ACVR1C: variants seen among roughly 807,000 people sequenced by gnomAD.
The protein encoded by ACVR1C is activin receptor type-1C.
ACVR1C carries 23 observed loss-of-function variants against 57.9 expected under a neutral mutation model. The observed-to-expected ratio is 0.40, with a 90% CI of 0.29 to 0.56. The LOEUF (loss-of-function observed/expected upper bound fraction) is 0.56. Among genes scored for constraint, ACVR1C ranks in the 20% least tolerant of loss-of-function variants. ACVR1C has a pLI of 0.50. For synonymous variants in ACVR1C, 214 were observed against 215.3 expected (o/e 0.99, Z 0.05); for missense variants, 480 against 607.9 (o/e 0.79, Z 2.21).
intron 3 of ACVR1C, among the ~76,000 whole-genome samples, chr2:157,552,951 T>C (rs1037798804): frequency 1.1e-4 from 16 of 152,154 alleles, no homozygotes; most frequent in Non-Finnish European, 1.6e-4. Flanking sequence ...TCAGAATTGT[T>C]ACACCACAAG....
intron 3 of ACVR1C, among the ~76,000 whole-genome samples, chr2:157,554,221 AAGAAAGAAAG>A (rs1219042043): frequency 8.9e-6 from 1 of 112,778 alleles, no homozygotes; most frequent in Non-Finnish European, 1.8e-5. Context: ...GAAAGAAAGA[AAGAAAGAAAG>A]AAAGAAAGAA....
At chr2:157,625,224 C>G (rs1682870348) in intron 1 of ACVR1C, among the ~76,000 whole-genome samples, 1 of 152,132 alleles carries the variant, frequency 6.6e-6, no homozygotes. Flanking sequence ...CTCCCCAGAC[C>G]AGCTTTTCCT....
chr2:157,603,109 A>G (rs958982009), intron 1 of ACVR1C, among the ~76,000 whole-genome samples: 1 of 152,186 alleles, frequency 6.6e-6, no homozygotes, highest in Non-Finnish European at 1.5e-5. Context: ...AAGTCCAAAA[A>G]TTGGAATTTG....
chr2:157,537,406 TTTTA>T (rs1687516309), intron 8 of ACVR1C, among the ~76,000 whole-genome samples: 1 of 151,790 alleles, frequency 6.6e-6, no homozygotes, highest in Non-Finnish European at 1.5e-5. Flanking sequence ...ATTAGAAAAT[TTTTA>T]ATTTAATTTC....
chr2:157,611,062 C>T (rs1045716174), intron 1 of ACVR1C, among the ~76,000 whole-genome samples: 18 of 152,258 alleles, frequency 1.2e-4, no homozygotes, highest in Admixed American at 7.8e-4. Flanking sequence ...TAGAGAATTA[C>T]GTTCCCTTGA....
At chr2:157,536,447 T>C (rs1053487777) in intron 8 of ACVR1C, among the ~76,000 whole-genome samples, 1 of 152,190 alleles carries the variant, frequency 6.6e-6, no homozygotes, top group Non-Finnish European at 1.5e-5. Flanking sequence ...ATTTATTGAT[T>C]GATTATTGCT....
chr2:157,611,831 G>A (rs752754449), intron 1 of ACVR1C, among the ~76,000 whole-genome samples: 1 of 152,148 alleles, frequency 6.6e-6, no homozygotes, highest in Non-Finnish European at 1.5e-5. Context: ...TGGGCTCTGT[G>A]GTTGTGGTGC....
chr2:157,607,118 G>A (rs2105144886), intron 1 of ACVR1C, among the ~76,000 whole-genome samples: 1 of 151,864 alleles, frequency 6.6e-6, no homozygotes, highest in South Asian at 2.1e-4. Flanking sequence ...AGATCAGTTG[G>A]CTGTAAATAC....
At chr2:157,570,348 T>A (rs1049090399) in intron 2 of ACVR1C, among the ~76,000 whole-genome samples, 1 of 28,400 alleles carries the variant, frequency 3.5e-5, no homozygotes, top group Non-Finnish European at 6.6e-5. Context: ...AACATAGTGT[T>A]GGAAGTTCTG....
rs751801104 is a variant in ACVR1C, at chr2:157,622,464, C to T, written c.73+6108G>A. Among the ~76,000 whole-genome samples, 41 of 152,292 alleles carry T rather than the reference C, an allele frequency of 2.7e-4. 1 individual carries two copies. Among genetic ancestry groups the T allele is most frequent in the Middle Eastern group, 6.8e-3 (2 of 294 alleles). ...TAAAGAACCCAGAAACAAATCCACACACCTACAGTGAACTCATCTTTAACA... is the reference window on the plus strand; with the variant it reads ...TAAAGAACCCAGAAACAAATCCACATACCTACAGTGAACTCATCTTTAACA... On this transcript the variant is annotated intron_variant, in intron 1 of 8. Transcript: ENST00000243349.
chr2:157,543,563 T>C (rs1330387349), intron 5 of ACVR1C, among the ~76,000 whole-genome samples: 1 of 152,240 alleles, frequency 6.6e-6, no homozygotes, highest in Non-Finnish European at 1.5e-5. Context: ...TAATTTCTAA[T>C]ATTGTAAATA....
intron 2 of ACVR1C, among the ~76,000 whole-genome samples, chr2:157,561,028 G>A (rs1284485530): frequency 2.0e-5 from 3 of 152,136 alleles, no homozygotes; most frequent in Admixed American, 2.0e-4. Flanking sequence ...TGAGAATAGA[G>A]GGAGTGAAGA....
chr2:157,593,588 C>G (rs1681996946), intron 1 of ACVR1C, among the ~76,000 whole-genome samples: 1 of 152,094 alleles, frequency 6.6e-6, no homozygotes, highest in South Asian at 2.1e-4. Flanking sequence ...ACAAAGGGAA[C>G]AATTCAAGCT....
At chr2:157,536,777 G>A (rs1251448817) in intron 8 of ACVR1C, among the ~76,000 whole-genome samples, 1 of 152,024 alleles carries the variant, frequency 6.6e-6, no homozygotes, top group East Asian at 1.9e-4. Context: ...TATAAAATGA[G>A]GCCAATATCT....
At chr2:157,559,259 G>A (rs755277055) in intron 2 of ACVR1C, among the ~76,000 whole-genome samples, 3 of 152,094 alleles carry the variant, frequency 2.0e-5, no homozygotes, top group East Asian at 1.9e-4. Context: ...CAAATTTACC[G>A]ATATGAGTCA....
At chr2:157,547,307 A>T (rs1687785498) in intron 4 of ACVR1C, among the ~76,000 whole-genome samples, 1 of 99,018 alleles carries the variant, frequency 1.0e-5, no homozygotes, top group Non-Finnish European at 2.3e-5. Context: ...TAGCAGCATG[A>T]TTTATAGTCC....
chr2:157,562,062 C>T (rs897386411), intron 2 of ACVR1C, among the ~76,000 whole-genome samples: 13 of 151,922 alleles, frequency 8.6e-5, no homozygotes, highest in East Asian at 1.9e-4. Flanking sequence ...TTTGGGAGGC[C>T]GAGGTGGGCG....
intron 1 of ACVR1C, among the ~76,000 whole-genome samples, chr2:157,597,765 GC>G (rs1411205487): frequency 6.6e-6 from 1 of 152,098 alleles, no homozygotes; most frequent in Non-Finnish European, 1.5e-5. Flanking sequence ...AAAATAAAAT[GC>G]CTTGTCTAGA....
At chr2:157,618,337 T>A (rs1414781014) in intron 1 of ACVR1C, among the ~76,000 whole-genome samples, 1 of 151,532 alleles carries the variant, frequency 6.6e-6, no homozygotes, top group East Asian at 1.9e-4. Context: ...ATAGTGAAAA[T>A]AATATATAAA....
Sources: gnomAD v4.1 joint callset for allele counts (sites outside exome capture counted in the v4.1 genomes callset) on GRCh38, gnomAD v4.1.1 for gene constraint, MANE v1.5 for transcripts, NCBI Gene and HGNC (gene_info 2026-07-23, HGNC 2026-07-21) for gene names.